The following MYO3A variants were observed in gnomAD, a reference collection of about 807,000 sequenced individuals.
The protein encoded by MYO3A is myosin-IIIa.
A neutral mutation model predicts 192.7 loss-of-function variants in MYO3A; 180 were observed. The ratio of observed to expected loss-of-function variants is 0.93; its 90% CI spans 0.83 to 1.06. The LOEUF is 1.06. Ranked by LOEUF, MYO3A falls within the 50% of genes least tolerant of loss-of-function variation. MYO3A has a pLI of 0.00. For synonymous variants in MYO3A, 628 were observed against 645.3 expected (o/e 0.97, Z 0.41); for missense variants, 1,896 against 1,905.0 (o/e 1.00, Z 0.09).
intron 17 of MYO3A, among the ~76,000 whole-genome samples, 188 bp from the exon 18 acceptor site, chr10:26,120,488 A>C (rs1181911347): frequency 6.6e-6 from 1 of 152,208 alleles, no homozygotes; most frequent in East Asian, 1.9e-4. Flanking sequence ...AACAGGCACT[A>C]TGCTAACCTC....
chr10:26,105,479 T>C (rs998292939), intron 17 of MYO3A, among the ~76,000 whole-genome samples: 3 of 152,166 alleles, frequency 2.0e-5, no homozygotes, highest in Admixed American at 2.0e-4. Context: ...TTCTATTTGT[T>C]TGCCAGCTGC....
Position 26,066,101 on chromosome 10 carries a change from G to A in MYO3A, c.954-874G>A, listed in dbSNP as rs1215830851. On this transcript the variant is annotated intron_variant, in intron 10 of 34. Transcript: ENST00000642920. ...CGCGCCACTGCACTCCAGCCTGGGC[G>A]ACAGAGCGAAACTCCGTCTCAAAAA... Among the ~76,000 whole-genome samples the A allele has an allele frequency of 1.2e-4, 4 of 32,226 alleles. No homozygotes were observed. The East Asian group carries it at 1.8e-3, about 15-fold the overall frequency. The allele number at this position is 32,226 out of a possible 152,430, so 21.1% of individuals were successfully genotyped here.
intron 32 of MYO3A, among the ~76,000 whole-genome samples, chr10:26,195,643 TTC>T (rs765246819): frequency 2.0e-5 from 3 of 152,192 alleles, no homozygotes; most frequent in Admixed American, 6.5e-5. Flanking sequence ...GTAACCTGCA[TTC>T]TCCTCTTCAA....
At chr10:25,956,333 T>A (rs184469415) in intron 4 of MYO3A, among the ~76,000 whole-genome samples, 315 of 149,226 alleles carry the variant, frequency 2.1e-3, no homozygotes, top group African/African-American at 7.3e-3. Flanking sequence ...TTTTCTATTA[T>A]GGTTTTTTTT....
rs3758443 is a variant in MYO3A, at chr10:26,069,984, G to A, written c.1171-127G>A. On this transcript the variant is annotated intron_variant, in intron 12 of 34. Coordinates refer to ENST00000642920, the MANE Select transcript of MYO3A (RefSeq NM_017433.5). ...ATGTGTGTAACATGTATGTAATAAT[G>A]TTTTGGTGGAATGAAATGGTGTTTT... 0.51 allele frequency: 340,555 copies of A among 670,652 alleles called. 89,495 individuals carry two copies. The highest frequency in any genetic ancestry group is 0.57 in the Middle Eastern group (1,380 of 2,442). The allele number at this position is 670,652 out of a possible 1,614,324, so 41.5% of individuals were successfully genotyped here.
chr10:26,197,067 C>T (rs1843443814), intron 32 of MYO3A, among the ~76,000 whole-genome samples: 1 of 152,178 alleles, frequency 6.6e-6, no homozygotes, highest in South Asian at 2.1e-4. Context: ...TGGTTGAGGT[C>T]CCGCTGCGCA....
chr10:26,129,952 C>A (rs1206879734), intron 20 of MYO3A, among the ~76,000 whole-genome samples: 1 of 152,058 alleles, frequency 6.6e-6, no homozygotes, highest in Admixed American at 6.5e-5. Flanking sequence ...CAGGTGTATC[C>A]CCATGCATTG....
intron 10 of MYO3A, among the ~76,000 whole-genome samples, chr10:26,062,647 G>T (rs12768930): frequency 0.47 from 71,259 of 150,898 alleles, 17,760 homozygotes; most frequent in Middle Eastern, 0.59. Context: ...CCCAGTCTGT[G>T]GCTTGGTTTT....
At chr10:26,147,262 GGAGCTACCTTAAGATGATAA>G (rs1217894197) in intron 22 of MYO3A, among the ~76,000 whole-genome samples, 148 bp from the exon 23 acceptor site, 2 of 151,946 alleles carry the variant, frequency 1.3e-5, no homozygotes, top group Non-Finnish European at 2.9e-5. Context: ...AAGATGATAA[GGAGCTACCTTAAGATGATAA>G]GGGGCTACCT....
intron 17 of MYO3A, among the ~76,000 whole-genome samples, chr10:26,100,253 TC>T (rs1355803884): frequency 6.6e-6 from 1 of 152,178 alleles, no homozygotes; most frequent in African/African-American, 2.4e-5. Context: ...GATGGTGGTG[TC>T]CCCTTTATCA....
rs1205735160 is a variant in MYO3A, at chr10:25,952,471, A to G, written c.168+193A>G. On this transcript the variant is annotated intron_variant, in intron 3 of 34. Coordinates refer to ENST00000642920, the MANE Select transcript of MYO3A (RefSeq NM_017433.5). Reference sequence around the variant, plus strand: ...GTGCTTAGTATATGTAATAAGGCACAATAAGTACTTGATGAATAAATGCAT... The same window carrying G: ...GTGCTTAGTATATGTAATAAGGCACGATAAGTACTTGATGAATAAATGCAT... 3.3e-5 allele frequency among the ~76,000 whole-genome samples: 5 copies of G among 152,224 alleles called. No homozygotes were observed. In the East Asian group the frequency reaches 9.6e-4, roughly 29 times the overall value.
intron 17 of MYO3A, among the ~76,000 whole-genome samples, chr10:26,117,036 T>C (rs1838549747): frequency 2.0e-5 from 3 of 152,210 alleles, no homozygotes; most frequent in Admixed American, 2.0e-4. Context: ...TGATATTTAG[T>C]TGTGATACTT....
At chr10:25,964,526 G>T (rs867437332) in intron 4 of MYO3A, among the ~76,000 whole-genome samples, 5 of 151,966 alleles carry the variant, frequency 3.3e-5, no homozygotes, top group Admixed American at 6.6e-5. Context: ...ACTTTTTGTT[G>T]TTTCTATTTA....
At chr10:26,157,711 A>G (rs998108835) in intron 26 of MYO3A, among the ~76,000 whole-genome samples, 196 bp downstream of exon 26, 2 of 152,188 alleles carry the variant, frequency 1.3e-5, no homozygotes, top group African/African-American at 4.8e-5. Context: ...GGGTGGTACT[A>G]TGTGGTATAG....
intron 6 of MYO3A, among the ~76,000 whole-genome samples, chr10:26,016,501 G>A (rs994483469): frequency 6.6e-6 from 1 of 152,104 alleles, no homozygotes; most frequent in Non-Finnish European, 1.5e-5. Flanking sequence ...ATGTAAAATC[G>A]TTTACAATGT....
At chr10:26,175,145 T>C (rs1263604476) in intron 30 of MYO3A, among the ~76,000 whole-genome samples, 1 of 152,212 alleles carries the variant, frequency 6.6e-6, no homozygotes, top group Non-Finnish European at 1.5e-5. Context: ...CAGCTGTTTC[T>C]AGAGAGGAGC....
intron 10 of MYO3A, among the ~76,000 whole-genome samples, chr10:26,027,581 G>C (rs1239732770): frequency 6.6e-6 from 1 of 152,184 alleles, no homozygotes; most frequent in Non-Finnish European, 1.5e-5. Context: ...CTGAACTCAA[G>C]TGATCCACCT....
chr10:25,997,763 C>T (rs2130908299), intron 6 of MYO3A, among the ~76,000 whole-genome samples: 1 of 152,294 alleles, frequency 6.6e-6, no homozygotes, highest in South Asian at 2.1e-4. Flanking sequence ...GACTAAGATG[C>T]TCTGTCCTGA....
At chr10:26,006,588 G>C (rs1261913742) in intron 6 of MYO3A, among the ~76,000 whole-genome samples, 4 of 152,162 alleles carry the variant, frequency 2.6e-5, no homozygotes, top group Admixed American at 6.5e-5. Flanking sequence ...TACCATCAGA[G>C]AATAGTACAA....
Sources: allele counts gnomAD v4.1 joint callset (sites outside exome capture counted in the v4.1 genomes callset), GRCh38; gene constraint gnomAD v4.1.1; transcripts MANE v1.5; gene names NCBI Gene and HGNC (gene_info 2026-07-23, HGNC 2026-07-21).